AGXT2: variants seen among roughly 807,000 people sequenced by gnomAD.
AGXT2 encodes the protein alanine--glyoxylate aminotransferase 2, mitochondrial.
In AGXT2, 61 loss-of-function variants were observed where a neutral mutation model predicts 62.5. The ratio of observed to expected loss-of-function variants is 0.98; its 90% CI spans 0.79 to 1.21. The LOEUF (loss-of-function observed/expected upper bound fraction) is 1.21, where lower values mean the gene tolerates loss of function less well. AGXT2 is among the 50% of genes most tolerant of loss of function. The pLI is 0.00. For missense variants in AGXT2, 666 were observed against 641.5 expected (o/e 1.04, Z -0.41); for synonymous variants, 243 against 218.7 (o/e 1.11, Z -0.98).
At chr5:35,019,659 A>C (rs1297995246) in intron 9 of AGXT2, among the ~76,000 whole-genome samples, 1 of 152,214 alleles carries the variant, frequency 6.6e-6, no homozygotes. Context: ...ATCACAATTA[A>C]AAGAACTAGA....
rs1034613305 is a variant in AGXT2, at chr5:35,018,476, C to T, written c.964-4357G>A. Among the ~76,000 whole-genome samples the T allele has an allele frequency of 2.1e-4, 32 of 152,022 alleles. 1 individual carries two copies. Among genetic ancestry groups the T allele is most frequent in the Non-Finnish European group, 2.6e-4 (18 of 67,998 alleles). On this transcript the variant is annotated intron_variant, in intron 9 of 13. Transcript: ENST00000231420. ...GAATTTCATATCCAGCCAAGCTAAG[C>T]TTCATAAGTGAAAGAGAAATAAAAT... is the stretch of plus-strand genomic sequence containing the variant.
intron 9 of AGXT2, among the ~76,000 whole-genome samples, chr5:35,018,900 CAA>C (rs1295104140): frequency 4.2e-5 from 6 of 143,676 alleles, no homozygotes; most frequent in Non-Finnish European, 7.5e-5. Flanking sequence ...AAATAGAAAA[CAA>C]AAAAAGGCAG....
At chr5:35,023,491 C>G (rs1230842614) in intron 9 of AGXT2, among the ~76,000 whole-genome samples, 1 of 152,196 alleles carries the variant, frequency 6.6e-6, no homozygotes, top group African/African-American at 2.4e-5. Flanking sequence ...AACCACAAGA[C>G]AGAAAATTTT....
In AGXT2 at chr5:35,014,054, A is replaced by C. The variant is rs1232776018; in HGVS notation, c.1029T>G (p.Pro343=). ...TCCCTTTAGCCATGGTGACAATGTC[A>C]GGCAGGACATCGTGGGTTTGGAAGC... The part of the protein sequence containing the change: ...FWGFQTHDVL[P]DIVTMAKGIG... The change falls in exon 10 of 14, where the codon CCT becomes CCG. Residue 343 remains proline, a synonymous_variant. Coordinates refer to ENST00000231420, the MANE Select transcript of AGXT2 (RefSeq NM_031900.4). 1 of 1,614,186 alleles carries C rather than the reference A, an allele frequency of 6.2e-7. No homozygotes were observed. Among genetic ancestry groups the C allele is most frequent in the Admixed American group, 1.7e-5 (1 of 60,028 alleles).
At chr5:35,026,848 A>C (rs1244935373) in intron 7 of AGXT2, 1 of 985,148 alleles carries the variant, frequency 1.0e-6, no homozygotes, top group Admixed American at 6.1e-5. Flanking sequence ...CCGTCCTCTC[A>C]AACAGGTGGA....
intron 1 of AGXT2, 144 bp downstream of exon 1, chr5:35,047,661 G>A: frequency 9.6e-7 from 1 of 1,038,876 alleles, no homozygotes; most frequent in Non-Finnish European, 1.4e-6. Context: ...CTCAGGGTGA[G>A]AACCTGTGTG....
At chr5:35,045,743 GTTTTTTTCTTTTT>G (rs1768163838) in intron 1 of AGXT2, among the ~76,000 whole-genome samples, 1 of 141,356 alleles carries the variant, frequency 7.1e-6, no homozygotes, top group Non-Finnish European at 1.5e-5. Context: ...AGGTAGTGTG[GTTTTTTTCTTTTT>G]CTTTTTTCTT....
intron 1 of AGXT2, among the ~76,000 whole-genome samples, chr5:35,043,575 C>T (rs1288067369): frequency 6.6e-6 from 1 of 152,124 alleles, no homozygotes; most frequent in Non-Finnish European, 1.5e-5. Context: ...TTCTGTCACC[C>T]AGGCTGGAGT....
chr5:35,047,236 C>G (rs774710561), intron 1 of AGXT2, among the ~76,000 whole-genome samples: 1 of 152,074 alleles, frequency 6.6e-6, no homozygotes, highest in Admixed American at 6.6e-5. Context: ...CCCGGGAGTT[C>G]GAGACCAACT....
intron 1 of AGXT2, among the ~76,000 whole-genome samples, chr5:35,041,376 C>T (rs879683533): frequency 9.2e-5 from 14 of 151,726 alleles, no homozygotes; most frequent in Admixed American, 3.3e-4. Context: ...AGGAAACCAG[C>T]GTAAAGTGGT....
intron 7 of AGXT2, among the ~76,000 whole-genome samples, chr5:35,028,587 GA>G: frequency 6.7e-6 from 1 of 148,586 alleles, no homozygotes; most frequent in Non-Finnish European, 1.5e-5. Context: ...GAGAGAGAGA[GA>G]GAGAGAGAGA....
At chr5:35,028,736 C>G (rs1471607166) in intron 7 of AGXT2, among the ~76,000 whole-genome samples, 1 of 152,150 alleles carries the variant, frequency 6.6e-6, no homozygotes. Flanking sequence ...CATGCAGTCT[C>G]TGAACTTAAA....
intron 8 of AGXT2, 29 bp downstream of exon 8, chr5:35,026,381 C>T (rs773142699): frequency 1.9e-6 from 3 of 1,555,294 alleles, no homozygotes; most frequent in African/African-American, 2.7e-5. Flanking sequence ...AGATTCAGCT[C>T]CATTAATGTC....
intron 13 of AGXT2, 50 bp downstream of exon 13, chr5:35,003,713 C>A: frequency 6.6e-7 from 1 of 1,525,172 alleles, no homozygotes; most frequent in South Asian, 1.1e-5. Flanking sequence ...ATTAGGAAAT[C>A]AGAGAGACTC....
At chr5:35,033,978 A>G (rs1173176610) in intron 5 of AGXT2, among the ~76,000 whole-genome samples, 1 of 152,134 alleles carries the variant, frequency 6.6e-6, no homozygotes, top group East Asian at 1.9e-4. Flanking sequence ...CACCTTATAA[A>G]TCACCTTATT....
chr5:35,026,234 T>C, intron 8 of AGXT2, 176 bp downstream of exon 8: 1 of 661,720 alleles, frequency 1.5e-6, no homozygotes, highest in Non-Finnish European at 2.6e-6. Flanking sequence ...AGGAGAGGGT[T>C]TTTAAAAGGT....
chr5:35,002,781 G>GC (rs142765589), intron 13 of AGXT2, among the ~76,000 whole-genome samples: 30 of 72,758 alleles, frequency 4.1e-4, no homozygotes, highest in Middle Eastern at 6.0e-3. Flanking sequence ...CAGGCTGGGG[G>GC]GGGGGACTAA....
At chr5:35,020,780 A>G (rs1767042505) in intron 9 of AGXT2, among the ~76,000 whole-genome samples, 5 of 152,182 alleles carry the variant, frequency 3.3e-5, no homozygotes, top group Admixed American at 2.0e-4. Context: ...AGGAAGTCAA[A>G]TTGTCCCTGT....
intron 12 of AGXT2, among the ~76,000 whole-genome samples, chr5:35,007,370 G>T (rs951382877): frequency 1.3e-5 from 2 of 152,210 alleles, no homozygotes; most frequent in Non-Finnish European, 1.5e-5. Context: ...TAGTGGAAAA[G>T]ATCTTTTCAA....
Sources: gnomAD v4.1 joint callset for allele counts (sites outside exome capture counted in the v4.1 genomes callset) on GRCh38, gnomAD v4.1.1 for gene constraint, MANE v1.5 for transcripts, NCBI Gene and HGNC (gene_info 2026-07-23, HGNC 2026-07-21) for gene names.